The following DSN1 variants were observed in gnomAD, a reference collection of about 807,000 sequenced individuals.
DSN1 encodes the protein kinetochore-associated protein DSN1 homolog.
DSN1 carries 31 observed loss-of-function variants against 45.7 expected under a neutral mutation model. The ratio of observed to expected loss-of-function variants is 0.68; its 90% CI spans 0.51 to 0.92. The LOEUF (loss-of-function observed/expected upper bound fraction) is 0.92. DSN1 is among the 40% of genes least tolerant of loss of function. The pLI is 0.00. For missense variants in DSN1, 394 were observed against 414.2 expected (o/e 0.95, Z 0.42); for synonymous variants, 134 against 142.3 (o/e 0.94, Z 0.41).
intron 6 of DSN1, among the ~76,000 whole-genome samples, chr20:36,759,632 C>T (rs915114085): frequency 3.3e-5 from 5 of 151,236 alleles, no homozygotes; most frequent in Non-Finnish European, 4.4e-5. Context: ...TACAGGCGCC[C>T]GCCACCACAC....
At chr20:36,765,056 A>G (rs1211613731) in intron 5 of DSN1, among the ~76,000 whole-genome samples, 1 of 152,078 alleles carries the variant, frequency 6.6e-6, no homozygotes, top group African/African-American at 2.4e-5. Context: ...TAGTAAGAAA[A>G]TCTAAAAGGC....
At chr20:36,765,772 T>C (rs575244312) in intron 5 of DSN1, among the ~76,000 whole-genome samples, 6 of 139,670 alleles carry the variant, frequency 4.3e-5, no homozygotes, top group Admixed American at 8.1e-5. Context: ...CACTCCAGCC[T>C]GGGCGACAGA....
At chr20:36,765,764 C>T (rs1987289009) in intron 5 of DSN1, among the ~76,000 whole-genome samples, 2 of 148,360 alleles carry the variant, frequency 1.3e-5, no homozygotes, top group African/African-American at 2.5e-5. Flanking sequence ...CGCCACTACA[C>T]TCCAGCCTGG....
At chr20:36,765,229 G>T (rs958255755) in intron 5 of DSN1, among the ~76,000 whole-genome samples, 1 of 128,108 alleles carries the variant, frequency 7.8e-6, no homozygotes, top group African/African-American at 3.0e-5. Flanking sequence ...ACTTGCATAC[G>T]TGCCAAAAGG....
At chr20:36,755,452 ACCC>A (rs1197181108) in intron 9 of DSN1, among the ~76,000 whole-genome samples, 1 of 151,964 alleles carries the variant, frequency 6.6e-6, no homozygotes, top group Non-Finnish European at 1.5e-5. Context: ...TAAAATAGCA[ACCC>A]ACCAACCTCC....
chr20:36,768,366 A>C (rs1987463507), intron 3 of DSN1, among the ~76,000 whole-genome samples: 1 of 152,166 alleles, frequency 6.6e-6, no homozygotes, highest in Non-Finnish European at 1.5e-5. Context: ...AACATGGTGA[A>C]ATCCCGTCTC....
At chr20:36,770,296 C>T (rs1048524436) in intron 3 of DSN1, among the ~76,000 whole-genome samples, 2 of 152,060 alleles carry the variant, frequency 1.3e-5, no homozygotes, top group Non-Finnish European at 2.9e-5. Context: ...CCTCAAACTC[C>T]TGGACTCAAG....
chr20:36,772,685 CCA>C (rs1987715572), intron 1 of DSN1, among the ~76,000 whole-genome samples: 1 of 152,246 alleles, frequency 6.6e-6, no homozygotes, highest in South Asian at 2.1e-4. Flanking sequence ...CTCTCTCCTC[CCA>C]GTCCTATTCC....
intron 8 of DSN1, among the ~76,000 whole-genome samples, chr20:36,756,788 C>T (rs371083141): frequency 6.6e-6 from 1 of 152,136 alleles, no homozygotes; most frequent in South Asian, 2.1e-4. Context: ...TCTTAACCTA[C>T]AAGCTTTGCC....
At chr20:36,771,756 T>C (rs1568701678) in intron 1 of DSN1, among the ~76,000 whole-genome samples, 1 of 152,274 alleles carries the variant, frequency 6.6e-6, no homozygotes, top group Admixed American at 6.5e-5. Context: ...GACATTATGG[T>C]CTACCTGGTC....
intron 1 of DSN1, among the ~76,000 whole-genome samples, chr20:36,772,480 G>A (rs1987704450): frequency 6.6e-6 from 1 of 151,940 alleles, no homozygotes; most frequent in Non-Finnish European, 1.5e-5. Context: ...GTAGCGATGG[G>A]GTTTCCCCAT....
chr20:36,755,619 T>G, intron 9 of DSN1, 63 bp downstream of exon 9: 1 of 1,556,774 alleles, frequency 6.4e-7, no homozygotes, highest in Non-Finnish European at 8.7e-7. Context: ...GGTCTTTTAA[T>G]TTCCAAGGAT....
chr20:36,768,524 C>T (rs926231492), intron 3 of DSN1, among the ~76,000 whole-genome samples: 5 of 152,180 alleles, frequency 3.3e-5, no homozygotes, highest in African/African-American at 9.7e-5. Context: ...TACAGGCATG[C>T]GCCACCACAC....
At chr20:36,760,778 C>T (rs8115600) in intron 6 of DSN1, among the ~76,000 whole-genome samples, 126 of 152,146 alleles carry the variant, frequency 8.3e-4, no homozygotes, top group African/African-American at 2.9e-3. Context: ...ATCCTAGCTA[C>T]TCGGGTTAGG....
intron 1 of DSN1, among the ~76,000 whole-genome samples, chr20:36,772,974 C>A (rs566914511): frequency 5.3e-5 from 8 of 152,200 alleles, no homozygotes. Flanking sequence ...TCCCTCCCAG[C>A]AGAAATCTGT....
At chr20:36,753,339 A>G (rs1452207140) in intron 10 of DSN1, among the ~76,000 whole-genome samples, 1 of 134,608 alleles carries the variant, frequency 7.4e-6, no homozygotes, top group Non-Finnish European at 1.6e-5. Context: ...GACCCTGTCT[A>G]AAAAAAAAAA....
intron 10 of DSN1, among the ~76,000 whole-genome samples, chr20:36,753,338 TAAA>T (rs558345664): frequency 1.9e-5 from 2 of 103,884 alleles, no homozygotes; most frequent in African/African-American, 3.6e-5. Context: ...AGACCCTGTC[TAAA>T]AAAAAAAAAA....
intron 3 of DSN1, among the ~76,000 whole-genome samples, chr20:36,770,569 AAG>A (rs1987591009): frequency 6.6e-6 from 1 of 152,194 alleles, no homozygotes; most frequent in Non-Finnish European, 1.5e-5. Flanking sequence ...AATATAATAT[AAG>A]TAGTAAGCCA....
intron 5 of DSN1, among the ~76,000 whole-genome samples, chr20:36,766,346 C>T (rs1987337238): frequency 6.6e-6 from 1 of 152,006 alleles, no homozygotes; most frequent in Admixed American, 6.6e-5. Flanking sequence ...ACTTCCTTAG[C>T]TTCATAAGCA....
Sources: gnomAD v4.1 joint callset for allele counts (sites outside exome capture counted in the v4.1 genomes callset) on GRCh38, gnomAD v4.1.1 for gene constraint, MANE v1.5 for transcripts, NCBI Gene and HGNC (gene_info 2026-07-23, HGNC 2026-07-21) for gene names.